SCN2A: variants seen among roughly 807,000 people sequenced by gnomAD.
SCN2A encodes sodium voltage-gated channel alpha subunit 2, also known as sodium channel protein type 2 subunit alpha.
Under a neutral mutation model 188.7 loss-of-function variants are expected in SCN2A, and 20 were observed. That is an observed-to-expected ratio of 0.11 (90% CI 0.07 to 0.15). The LOEUF is 0.15. Among genes scored for constraint, SCN2A ranks in the 10% least tolerant of loss-of-function variants. The probability of loss-of-function intolerance (pLI) is 1.00; values close to 1 mark genes in which losing one functional copy is unlikely to be tolerated. For missense variants in SCN2A, 1,278 were observed against 2,445.0 expected (o/e 0.52, Z 10.07); for synonymous variants, 804 against 833.1 (o/e 0.97, Z 0.60).
intron 3 of SCN2A, among the ~76,000 whole-genome samples, chr2:165,303,272 T>TTTTTTTG (rs1696924020): frequency 5.9e-5 from 1 of 16,916 alleles, no homozygotes; most frequent in Middle Eastern, 0.029. Flanking sequence ...TTATTTGAGT[T>TTTTTTTG]TTTTTTTTTT....
At position 165,368,461 on chromosome 2, in the gene SCN2A, C is replaced by T. The variant is rs537643284; in HGVS notation, c.3675+1090C>T. Reference sequence around the variant, plus strand: ...GAGGGTGGAGCCCTCGCCAGGTACCCGTCCTCTTCTGCCCAGAATTTCTCT... The same window carrying T: ...GAGGGTGGAGCCCTCGCCAGGTACCTGTCCTCTTCTGCCCAGAATTTCTCT... On this transcript the variant is annotated intron_variant, in intron 19 of 26. Coordinates refer to ENST00000375437, the MANE Select transcript of SCN2A (RefSeq NM_001040142.2). Among the ~76,000 whole-genome samples the T allele has an allele frequency of 4.6e-5, 7 of 152,244 alleles. No homozygotes were observed. The South Asian group carries it at 1.2e-3, about 27-fold the overall frequency.
intron 25 of SCN2A, among the ~76,000 whole-genome samples, chr2:165,382,586 C>G (rs911191279): frequency 2.0e-5 from 3 of 151,946 alleles, no homozygotes; most frequent in Admixed American, 1.3e-4. Flanking sequence ...ATACCTCGAC[C>G]TGCTGTAAGA....
In SCN2A at chr2:165,277,061, A is replaced by G. The variant is rs1320388537; in HGVS notation, c.-51-18712A>G. Among the ~76,000 whole-genome samples the G allele has an allele frequency of 3.3e-5, 5 of 151,686 alleles. No individual in the cohort carries two copies. In the South Asian group the frequency reaches 6.2e-4, roughly 19 times the overall value. On this transcript the variant is annotated intron_variant, in intron 1 of 26. Coordinates refer to ENST00000375437, the MANE Select transcript of SCN2A (RefSeq NM_001040142.2). The stretch of plus-strand genomic sequence containing the variant: ...GTCGACAGAGCAAGACTCCGTCTCA[A>G]AAAAAAAATTAGTTTAATTTTGTCT...
At chr2:165,355,065 G>C (rs1004446131) in intron 17 of SCN2A, among the ~76,000 whole-genome samples, 3 of 152,128 alleles carry the variant, frequency 2.0e-5, no homozygotes, top group African/African-American at 7.2e-5. Flanking sequence ...TTCTCATCTT[G>C]CTATGTTCTT....
At chr2:165,253,530 A>C (rs1430090005) in intron 1 of SCN2A, among the ~76,000 whole-genome samples, 1 of 152,108 alleles carries the variant, frequency 6.6e-6, no homozygotes, top group Non-Finnish European at 1.5e-5. Context: ...AATAAGTTTT[A>C]TTGGGACACA....
At chr2:165,307,563 G>T (rs1241954785) in intron 3 of SCN2A, among the ~76,000 whole-genome samples, 1 of 152,086 alleles carries the variant, frequency 6.6e-6, no homozygotes, top group Admixed American at 6.6e-5. Flanking sequence ...GAAAATTTAA[G>T]TTGATAAATT....
Position 165,313,720 on chromosome 2 carries a change from C to T in SCN2A, c.1135C>T (p.Arg379Cys), listed in dbSNP as rs768403673. 1 of 1,613,628 alleles carries T rather than the reference C, an allele frequency of 6.2e-7. No individual in the cohort carries two copies. Among genetic ancestry groups the T allele is most frequent in the Non-Finnish European group, 8.5e-7 (1 of 1,179,654 alleles). ...TFSWAFLSLFRLMTQDFWENL... is the reference protein window; with the variant it reads ...TFSWAFLSLFCLMTQDFWENL... The stretch of plus-strand genomic sequence containing the variant: ...TAGTTGGGCCTTTTTGTCCTTATTT[C>T]GTCTCATGACTCAAGACTTCTGGGA... Residue 379 changes from arginine to cysteine, a missense_variant, in exon 9 of 27, where the codon CGT (arginine) becomes TGT (cysteine). Physicochemically the swap from Arg to Cys is radical, Grantham distance 180. Coordinates refer to ENST00000375437, the MANE Select transcript of SCN2A (RefSeq NM_001040142.2).
chr2:165,323,209 G>A lies in SCN2A; in HGVS notation c.1725G>A (p.Ala575=), dbSNP rs543538780. The A allele has an allele frequency of 3.3e-4, 529 of 1,614,144 alleles. 6 individuals carry two copies. The South Asian group carries it at 4.7e-3, about 14-fold the overall frequency. ...TCTCTCCAAGACGCAACAGTAGGGC[G>A]AGCCTTTTCAGCTTCAGAGGTCGAG... ...SLFSPRRNSR[A]SLFSFRGRAK... is the part of the protein sequence containing the mutation. The change falls in exon 12 of 27, where the codon GCG becomes GCA. Residue 575 remains alanine (A), a synonymous_variant. Transcript: ENST00000375437.
At chr2:165,252,792 G>A (rs1694151464) in intron 1 of SCN2A, among the ~76,000 whole-genome samples, 1 of 151,790 alleles carries the variant, frequency 6.6e-6, no homozygotes, top group Non-Finnish European at 1.5e-5. Context: ...ATTTAAGGGT[G>A]GTATGATCTG....
At chr2:165,353,637 T>C (rs956749955) in intron 16 of SCN2A, among the ~76,000 whole-genome samples, 7 of 152,054 alleles carry the variant, frequency 4.6e-5, no homozygotes, top group African/African-American at 1.7e-4. Context: ...GAAGGCAAAG[T>C]GGAGCAAGCA....
intron 19 of SCN2A, among the ~76,000 whole-genome samples, chr2:165,369,658 C>T (rs1204805230): frequency 6.6e-6 from 1 of 152,156 alleles, no homozygotes; most frequent in Non-Finnish European, 1.5e-5. Flanking sequence ...CGTACACCCA[C>T]CCGCCTCCAC....
chr2:165,305,156 G>A (rs1258043869), intron 3 of SCN2A, among the ~76,000 whole-genome samples: 1 of 152,164 alleles, frequency 6.6e-6, no homozygotes, highest in Non-Finnish European at 1.5e-5. Flanking sequence ...GAACGTTTAA[G>A]GGGAGACAGA....
chr2:165,340,319 A>G (rs1211474465), intron 14 of SCN2A, among the ~76,000 whole-genome samples: 1 of 151,986 alleles, frequency 6.6e-6, no homozygotes, highest in Non-Finnish European at 1.5e-5. Context: ...ACAAAAAAGA[A>G]AAGTCTAGTA....
intron 11 of SCN2A, among the ~76,000 whole-genome samples, chr2:165,319,060 G>A (rs1697925118): frequency 6.6e-6 from 1 of 152,124 alleles, no homozygotes; most frequent in African/African-American, 2.4e-5. Context: ...GTTCTAGGCC[G>A]GGTGTGGTGG....
At chr2:165,244,212 A>G (rs1693746377) in intron 1 of SCN2A, among the ~76,000 whole-genome samples, 18 of 152,258 alleles carry the variant, frequency 1.2e-4, no homozygotes, top group Admixed American at 1.1e-3. Flanking sequence ...ACTGCACTCC[A>G]GCTTGGGCGA....
chr2:165,385,907 A>G (rs28612226), intron 25 of SCN2A, among the ~76,000 whole-genome samples: 3,581 of 152,278 alleles, frequency 0.024, 132 homozygotes, highest in African/African-American at 0.079. Context: ...ATTTTATTAC[A>G]TGACAAATAT....
chr2:165,353,990 G>C (rs1700059905), intron 16 of SCN2A, among the ~76,000 whole-genome samples: 1 of 152,074 alleles, frequency 6.6e-6, no homozygotes, highest in Non-Finnish European at 1.5e-5. Flanking sequence ...TGACTAAAAA[G>C]CAAATAGTGA....
rs890803233 is a variant in SCN2A at position 165,365,151 on chromosome 2, T to G, written c.3408T>G (p.Asn1136Lys). The G allele has an allele frequency of 2.5e-6, 4 of 1,613,246 alleles. No homozygotes were observed. Among genetic ancestry groups the G allele is most frequent in the Non-Finnish European group, 3.4e-6 (4 of 1,179,462 alleles). Residue 1136 changes from asparagine (N) to lysine (K), a missense_variant, in exon 18 of 27, where the codon AAT becomes AAG. By Grantham distance (94) the Asn-to-Lys change is moderately conservative. Coordinates refer to ENST00000375437, the MANE Select transcript of SCN2A (RefSeq NM_001040142.2). ...SDMEESKEKL[N>K]ATSSSEGSTV... ...GTGGGATTGATTTTCAGAAGCTAAA[T>G]GCAACTAGTTCATCTGAAGGCAGCA...
chr2:165,308,818 A>G (rs1463585031), intron 5 of SCN2A, 24 bp downstream of exon 5: 3 of 1,611,758 alleles, frequency 1.9e-6, no homozygotes, highest in Non-Finnish European at 2.5e-6. Context: ...TACATTTTCT[A>G]TCCTGGAAGA....
Sources: gnomAD v4.1 joint callset for allele counts (sites outside exome capture counted in the v4.1 genomes callset) on GRCh38, gnomAD v4.1.1 for gene constraint, MANE v1.5 for transcripts, NCBI Gene and HGNC (gene_info 2026-07-23, HGNC 2026-07-21) for gene names.